Variants in SNX29 observed in about 807,000 individuals in gnomAD.
SNX29 encodes sorting nexin-29.
A neutral mutation model predicts 102.1 loss-of-function variants in SNX29; 78 were observed. The observed-to-expected ratio is 0.76, with a 90% CI of 0.64 to 0.92. The LOEUF (loss-of-function observed/expected upper bound fraction) is 0.92, where lower values mean the gene tolerates loss of function less well. Among genes scored for constraint, SNX29 ranks in the 40% least tolerant of loss-of-function variants. SNX29 has a pLI of 0.00. For missense variants in SNX29, 1,280 were observed against 1,061.7 expected (o/e 1.21, Z -2.86); for synonymous variants, 580 against 414.5 (o/e 1.40, Z -4.85).
At chr16:11,993,023 A>G (rs185606201) in intron 1 of SNX29, among the ~76,000 whole-genome samples, 153 of 151,998 alleles carry the variant, frequency 1.0e-3, no homozygotes, top group African/African-American at 3.6e-3. Context: ...AAATTAGCCA[A>G]GCGTGGTGGT....
chr16:12,087,221 C>T (rs559206664), intron 11 of SNX29: 6 of 154,450 alleles, frequency 3.9e-5, no homozygotes, highest in African/African-American at 1.2e-4. Context: ...ATAGTGAAAC[C>T]CATCTCTACT....
chr16:12,335,362 G>A (rs1186288197), intron 15 of SNX29, among the ~76,000 whole-genome samples: 1 of 152,104 alleles, frequency 6.6e-6, no homozygotes, highest in Non-Finnish European at 1.5e-5. Context: ...TCAAATCAGT[G>A]ATGTTTAGTG....
chr16:12,281,339 A>G (rs1384716438), intron 15 of SNX29, among the ~76,000 whole-genome samples: 6 of 152,286 alleles, frequency 3.9e-5, no homozygotes, highest in South Asian at 2.1e-4. Context: ...CAACTCATCT[A>G]TCTGCACATA....
intron 16 of SNX29, among the ~76,000 whole-genome samples, chr16:12,386,749 TAATAAG>T (rs2151450488): frequency 6.6e-6 from 1 of 152,286 alleles, no homozygotes; most frequent in East Asian, 1.9e-4. Flanking sequence ...TGCTCACTGT[TAATAAG>T]AAAAGAGTTG....
chr16:12,005,348 G>A (rs2056418515), intron 3 of SNX29, among the ~76,000 whole-genome samples: 1 of 152,118 alleles, frequency 6.6e-6, no homozygotes. Context: ...TGTCCTAGTT[G>A]TACTGGAGCA....
At chr16:12,229,032 C>T (rs186919506) in intron 14 of SNX29, among the ~76,000 whole-genome samples, 1 of 152,374 alleles carries the variant, frequency 6.6e-6, no homozygotes, top group East Asian at 1.9e-4. Flanking sequence ...GCCCTCATTC[C>T]TTCACACAGA....
At chr16:12,326,476 C>T (rs561501206) in intron 15 of SNX29, among the ~76,000 whole-genome samples, 52 of 152,100 alleles carry the variant, frequency 3.4e-4, no homozygotes, top group South Asian at 2.1e-3. Context: ...GAAACATGTC[C>T]GGTGTGATGG....
At chr16:12,172,321 C>G (rs1048140865) in intron 13 of SNX29, among the ~76,000 whole-genome samples, 1 of 152,084 alleles carries the variant, frequency 6.6e-6, no homozygotes, top group Admixed American at 6.6e-5. Context: ...TGGAGACAGG[C>G]CAGAGGGTGG....
chr16:12,277,894 C>G, intron 14 of SNX29, 39 bp from the exon 15 acceptor site: 1 of 1,532,336 alleles, frequency 6.5e-7, no homozygotes, highest in East Asian at 2.4e-5. Flanking sequence ...ATTTTCGATA[C>G]TGTTGAAATA....
At chr16:12,234,929 T>G (rs1203596941) in intron 14 of SNX29, among the ~76,000 whole-genome samples, 1 of 151,792 alleles carries the variant, frequency 6.6e-6, no homozygotes. Flanking sequence ...TCTTTGCCTT[T>G]ATGTTTCTCT....
At chr16:11,999,765 G>A (rs1304159563) in intron 2 of SNX29, among the ~76,000 whole-genome samples, 4 of 152,144 alleles carry the variant, frequency 2.6e-5, no homozygotes, top group African/African-American at 7.2e-5. Flanking sequence ...GCAGGGTGTG[G>A]TGGCAGGCAC....
chr16:12,293,049 T>A (rs567480274), intron 15 of SNX29, among the ~76,000 whole-genome samples: 1 of 152,356 alleles, frequency 6.6e-6, no homozygotes, highest in Middle Eastern at 3.4e-3. Context: ...TGACACCATT[T>A]AATAAGCATG....
intron 13 of SNX29, among the ~76,000 whole-genome samples, chr16:12,158,694 C>A (rs942668734): frequency 6.6e-6 from 1 of 152,256 alleles, no homozygotes. Context: ...AAAGAACATG[C>A]AACGTGCACC....
intron 18 of SNX29, among the ~76,000 whole-genome samples, chr16:12,474,832 C>T (rs903420665): frequency 6.6e-6 from 1 of 152,176 alleles, no homozygotes; most frequent in Non-Finnish European, 1.5e-5. Context: ...TTGGAAGGTG[C>T]TAGGGCCTGT....
At chr16:12,302,891 G>C (rs1452285920) in intron 15 of SNX29, among the ~76,000 whole-genome samples, 1 of 152,218 alleles carries the variant, frequency 6.6e-6, no homozygotes, top group Non-Finnish European at 1.5e-5. Flanking sequence ...CTTGGCTCTT[G>C]AGGAGCTTCT....
intron 15 of SNX29, among the ~76,000 whole-genome samples, chr16:12,282,811 A>G (rs1271782408): frequency 6.6e-6 from 1 of 152,076 alleles, no homozygotes; most frequent in Non-Finnish European, 1.5e-5. Flanking sequence ...GCCCACCACA[A>G]TGCCTGGCTA....
chr16:12,321,364 A>G (rs1330147763), intron 15 of SNX29, among the ~76,000 whole-genome samples: 1 of 152,156 alleles, frequency 6.6e-6, no homozygotes, highest in Non-Finnish European at 1.5e-5. Context: ...CGACCTAGCT[A>G]GAGAAAAACA....
intron 15 of SNX29, among the ~76,000 whole-genome samples, chr16:12,313,000 TG>T (rs1383400411): frequency 1.4e-5 from 2 of 146,718 alleles, no homozygotes; most frequent in Non-Finnish European, 3.0e-5. Context: ...CTTCGGACCC[TG>T]GGGAGACTTT....
rs2079225989 is a variant in SNX29 at position 12,573,287 on chromosome 16, G to GC, written c.*4660dup. On this transcript the variant is annotated 3_prime_UTR_variant, in exon 21 of 21. Coordinates refer to ENST00000566228, the MANE Select transcript of SNX29 (RefSeq NM_032167.5). Reference sequence around the variant, plus strand: ...CTGGTATTCCTCACTCTAGCCATGAGCCATTGCCATCTTATGGGCCCGATT... The same window carrying GC: ...CTGGTATTCCTCACTCTAGCCATGAGCCCATTGCCATCTTATGGGCCCGATT... The GC allele has an allele frequency of 4.4e-6, 1 of 227,420 alleles. No individual in the cohort carries two copies. The highest frequency in any genetic ancestry group is 8.7e-6 in the Non-Finnish European group (1 of 114,476). 14.1% of individuals were successfully genotyped at this position (227,420 alleles called of 1,614,324 possible). A position where few individuals can be genotyped will look rare whatever the true frequency, so the allele number is the denominator to read the frequency against.
Sources: allele counts gnomAD v4.1 joint callset (sites outside exome capture counted in the v4.1 genomes callset), GRCh38; gene constraint gnomAD v4.1.1; transcripts MANE v1.5; gene names NCBI Gene and HGNC (gene_info 2026-07-23, HGNC 2026-07-21).